The following ZC3H7B variants were observed in gnomAD, a reference collection of about 807,000 sequenced individuals.
ZC3H7B encodes zinc finger CCCH domain-containing protein 7B.
ZC3H7B carries 35 observed loss-of-function variants against 116.0 expected under a neutral mutation model. The observed-to-expected ratio is 0.30, with a 90% CI of 0.23 to 0.40. The LOEUF is 0.40. Among genes scored for constraint, ZC3H7B ranks in the 10% least tolerant of loss-of-function variants. The pLI, the probability that ZC3H7B is intolerant of heterozygous loss-of-function variation, is 1.00. For synonymous variants in ZC3H7B, 502 were observed against 545.6 expected, an observed-to-expected ratio of 0.92 and a Z score of 1.11; for missense variants, 1,011 against 1,321.5, an observed-to-expected ratio of 0.77 and a Z score of 3.64.
chr22:41,321,285 G>A (rs999983623), intron 2 of ZC3H7B, among the ~76,000 whole-genome samples: 5 of 148,864 alleles, frequency 3.4e-5, no homozygotes, highest in Non-Finnish European at 5.9e-5. Context: ...ACATGATCTC[G>A]GCTTACTGCA....
chr22:41,340,552 C>T (rs1450919823), intron 10 of ZC3H7B, among the ~76,000 whole-genome samples: 4 of 152,082 alleles, frequency 2.6e-5, no homozygotes, highest in African/African-American at 9.7e-5. Context: ...CTTGTCTGGG[C>T]GCTGGTGGGG....
intron 2 of ZC3H7B, among the ~76,000 whole-genome samples, chr22:41,324,383 T>C (rs1164823805): frequency 6.6e-6 from 1 of 152,206 alleles, no homozygotes; most frequent in African/African-American, 2.4e-5. Flanking sequence ...GGCCACTCTT[T>C]CCTGCCCAGG....
At chr22:41,334,423 G>C (rs946923218) in intron 7 of ZC3H7B, 1 of 152,266 alleles carries the variant, frequency 6.6e-6, no homozygotes, top group Admixed American at 6.5e-5. Context: ...TCTGCAGCCA[G>C]ATGACCACAG....
Position 41,315,880 on chromosome 22 carries a change from CAT to C in ZC3H7B, c.-6-4772_-6-4771del, listed in dbSNP as rs2036176375. ...GTCACATTAGAGATTAGAGCTTCAG[CAT>C]ATGAATTTGGGGAGGACACAGACAT... is the stretch of plus-strand genomic sequence containing the variant. On this transcript the variant is annotated intron_variant, in intron 1 of 22. Transcript: ENST00000352645. Among the ~76,000 whole-genome samples the C allele has an allele frequency of 1.3e-5, 2 of 152,142 alleles. 1 individual carries two copies. The highest frequency in any genetic ancestry group is 4.1e-4 in the South Asian group (2 of 4,830).
At chr22:41,330,136 G>A (rs1439579045) in intron 6 of ZC3H7B, 33 bp downstream of exon 6, 3 of 1,611,368 alleles carry the variant, frequency 1.9e-6, no homozygotes, top group East Asian at 2.2e-5. Context: ...GAGGGTCGGT[G>A]TGGACGTGAG....
intron 1 of ZC3H7B, among the ~76,000 whole-genome samples, chr22:41,309,008 C>CTTTTTTTTTTT (rs57147100): frequency 0.013 from 1,369 of 103,190 alleles, 86 homozygotes; most frequent in Non-Finnish European, 0.015. Context: ...TCCCAGTCTG[C>CTTTTTTTTTTT]TTTTTTTTTT....
intron 1 of ZC3H7B, among the ~76,000 whole-genome samples, chr22:41,317,732 C>T (rs2036202251): frequency 6.6e-6 from 1 of 151,944 alleles, no homozygotes; most frequent in South Asian, 2.1e-4. Context: ...TGCAGTGAGC[C>T]AAGATCACAC....
chr22:41,345,664 G>A (rs539888046), intron 13 of ZC3H7B, among the ~76,000 whole-genome samples: 1 of 152,346 alleles, frequency 6.6e-6, no homozygotes, highest in East Asian at 1.9e-4. Context: ...TGGGGTAGGA[G>A]TGATTACTGT....
At position 41,339,690 on chromosome 22, in the gene ZC3H7B, C is replaced by A. The variant is rs563248891; in HGVS notation, c.817-126C>A. 1.4e-5 allele frequency: 12 copies of A among 838,074 alleles called. No individual in the cohort carries two copies. In the East Asian group the frequency reaches 2.8e-4, roughly 20 times the overall value. The allele number at this position is 838,074 out of a possible 1,614,324, so 51.9% of individuals were successfully genotyped here. A position where few individuals can be genotyped will look rare whatever the true frequency, so the allele number is the denominator to read the frequency against. ...AGAAGGGACCATAGTGAGCCCTGCT[C>A]CCACATGGGACAGGATGAAGCCAGG... is the stretch of plus-strand genomic sequence containing the variant. On this transcript the variant is annotated intron_variant, in intron 9 of 22. Transcript: ENST00000352645.
In ZC3H7B at chr22:41,349,372, C is replaced by T. The variant is rs1172504862; in HGVS notation, c.1948+71C>T. 22 of 1,569,856 alleles carry T rather than the reference C, an allele frequency of 1.4e-5. No individual in the cohort carries two copies. The highest frequency in any genetic ancestry group is 4.5e-5 in the East Asian group (2 of 44,424). On this transcript the variant is annotated intron_variant, in intron 16 of 22. Coordinates refer to ENST00000352645, the MANE Select transcript of ZC3H7B (RefSeq NM_017590.6). The surrounding 1 kb of genome is among the most constrained non-coding windows in gnomAD (Gnocchi z 4.9). ...GGGTAGGCGGCGCAGGTGAAGGGAG[C>T]GCAGGACTGACTGGGGTGACAGGCC...
chr22:41,330,162 G>T, intron 6 of ZC3H7B, 59 bp downstream of exon 6: 1 of 1,583,070 alleles, frequency 6.3e-7, no homozygotes, highest in South Asian at 1.1e-5. Context: ...CTGAAGGGAG[G>T]GACCAGGCTC....
rs757243138 is a variant in ZC3H7B, at chr22:41,359,034, C to G, written c.*1605C>G. Reference sequence around the variant, plus strand: ...TGTTCCTCCCGCCGCCACTGCCCAACCTTTCCTGATAATCGTGGCATGCGC... The same window carrying G: ...TGTTCCTCCCGCCGCCACTGCCCAAGCTTTCCTGATAATCGTGGCATGCGC... On this transcript the variant is annotated 3_prime_UTR_variant, in exon 23 of 23. Coordinates refer to ENST00000352645, the MANE Select transcript of ZC3H7B (RefSeq NM_017590.6). 6.5e-6 allele frequency: 1 copy of G among 153,674 alleles called. No individual in the cohort carries two copies. The highest frequency in any genetic ancestry group is 2.4e-5 in the African/African-American group (1 of 41,496). The allele number at this position is 153,674 out of a possible 1,614,324, so 9.5% of individuals were successfully genotyped here.
rs1373404422 is a variant in ZC3H7B at position 41,357,736 on chromosome 22, C to T, written c.*307C>T. 9.1e-6 allele frequency: 4 copies of T among 437,642 alleles called. No individual in the cohort carries two copies. In the Admixed American group the frequency reaches 1.4e-4, roughly 15 times the overall value. The allele number at this position is 437,642 out of a possible 1,614,324, so 27.1% of individuals were successfully genotyped here. A position where few individuals can be genotyped will look rare whatever the true frequency, so the allele number is the denominator to read the frequency against. ...CAGCTTCAGCCTCCAGCTTTAACTT[C>T]TGTCTGCTCCTAATGGGGGCCCAAA... On this transcript the variant is annotated 3_prime_UTR_variant, in exon 23 of 23. Transcript: ENST00000352645. The surrounding 1 kb of genome is among the most constrained non-coding windows in gnomAD (Gnocchi z 5.4).
Position 41,339,080 on chromosome 22 carries a change from C to T in ZC3H7B, c.705C>T (p.Asp235=), listed in dbSNP as rs778895779. 1.2e-6 allele frequency: 2 copies of T among 1,613,084 alleles called. No homozygotes were observed. Among genetic ancestry groups the T allele is most frequent in the African/African-American group, 2.7e-5 (2 of 74,918 alleles). The change falls in exon 9 of 23, where the codon GAC becomes GAT. Residue 235 remains aspartate, a synonymous_variant. Transcript: ENST00000352645. The stretch of plus-strand genomic sequence containing the variant: ...TGCCCCTGTTCCCTCACGTTCTGGA[C>T]CTGCTGGCCCCCCTGGACAGCAGCA... ...PTMPLFPHVL[D]LLAPLDSSRT...
intron 6 of ZC3H7B, among the ~76,000 whole-genome samples, chr22:41,331,265 A>G (rs976799813): frequency 1.4e-5 from 2 of 146,044 alleles, no homozygotes; most frequent in Admixed American, 6.8e-5. Context: ...ATAAATAAAT[A>G]AAAGGCCGGG....
At chr22:41,323,059 C>T (rs1430013080) in intron 2 of ZC3H7B, among the ~76,000 whole-genome samples, 1 of 152,220 alleles carries the variant, frequency 6.6e-6, no homozygotes, top group Non-Finnish European at 1.5e-5. Context: ...CCTCAGCGCA[C>T]AACGCAGTCA....
At chr22:41,306,623 G>A (rs918243819) in intron 1 of ZC3H7B, among the ~76,000 whole-genome samples, 9 of 152,180 alleles carry the variant, frequency 5.9e-5, no homozygotes, top group Non-Finnish European at 1.3e-4. Context: ...ACCCGCCTGG[G>A]CCTCTCAAAG....
intron 14 of ZC3H7B, among the ~76,000 whole-genome samples, chr22:41,347,118 C>T (rs1490095736): frequency 6.6e-6 from 1 of 152,236 alleles, no homozygotes; most frequent in African/African-American, 2.4e-5. Context: ...AGCTTCAAAC[C>T]CAGGCAGCCT....
chr22:41,346,553 C>T lies in ZC3H7B; in HGVS notation c.1665+345C>T, dbSNP rs1247227879. On this transcript the variant is annotated intron_variant, in intron 14 of 22. Coordinates refer to ENST00000352645, the MANE Select transcript of ZC3H7B (RefSeq NM_017590.6). This position sits in a 1 kb window ranked among gnomAD's most constrained non-coding sequence, Gnocchi z 5.3. ...ATTCCTAGCCTGATGCAGTGGCTCA[C>T]GCCTGTAATCCCAGCACTTTGGGAG... Among the ~76,000 whole-genome samples the T allele has an allele frequency of 3.3e-5, 5 of 152,194 alleles. No homozygotes were observed. Among genetic ancestry groups the T allele is most frequent in the Non-Finnish European group, 4.4e-5 (3 of 68,040 alleles).
Sources: allele counts gnomAD v4.1 joint callset (sites outside exome capture counted in the v4.1 genomes callset), GRCh38; gene constraint gnomAD v4.1.1; non-coding constraint Gnocchi (gnomAD v3.1); transcripts MANE v1.5; gene names NCBI Gene and HGNC (gene_info 2026-07-23, HGNC 2026-07-21).